Variants in LRPPRC observed in about 807,000 individuals in gnomAD.
The protein encoded by LRPPRC is leucine rich pentatricopeptide repeat containing, also known as leucine-rich PPR motif-containing protein, mitochondrial.
Under a neutral mutation model 180.3 loss-of-function variants are expected in LRPPRC, and 120 were observed. The ratio of observed to expected loss-of-function variants is 0.67; its 90% CI spans 0.57 to 0.77. LRPPRC has a LOEUF of 0.77. Among genes scored for constraint, LRPPRC ranks in the 30% least tolerant of loss-of-function variants. The probability of loss-of-function intolerance (pLI) is 0.00; values close to 1 mark genes in which losing one functional copy is unlikely to be tolerated. For missense variants in LRPPRC, 2,012 were observed against 1,657.2 expected (o/e 1.21, Z -3.72); for synonymous variants, 723 against 600.0 (o/e 1.21, Z -3.00).
intron 35 of LRPPRC, 143 bp downstream of exon 35, chr2:43,896,491 T>A: frequency 1.5e-6 from 1 of 645,912 alleles, no homozygotes; most frequent in Admixed American, 2.6e-5. Flanking sequence ...CAAAACTGAC[T>A]CTAAGTAGAG....
intron 5 of LRPPRC, 40 bp downstream of exon 5, chr2:43,976,954 A>C: frequency 2.0e-6 from 3 of 1,499,290 alleles, no homozygotes; most frequent in Non-Finnish European, 1.9e-6. Flanking sequence ...TACAAAATGT[A>C]CAAATTTGTT....
intron 23 of LRPPRC, among the ~76,000 whole-genome samples, chr2:43,939,745 T>C (rs550616717): frequency 6.6e-6 from 1 of 152,328 alleles, no homozygotes; most frequent in African/African-American, 2.4e-5. Context: ...AAATTAACTG[T>C]GTTGAAGGCT....
rs1316994323 is a variant in LRPPRC, at chr2:43,943,732, G to A, written c.2459C>T (p.Pro820Leu). ...EAIVTLGLAEPSTNISFPLVT... is the reference protein window; with the variant it reads ...EAIVTLGLAELSTNISFPLVT... ...CAATGGGAAACTTATGTTGGTGGAT[G>A]GTTCTGCTAACCCTAGAGTCACGAT... Residue 820 changes from proline (P) to leucine (L), a missense_variant, in exon 23 of 38, where the codon CCA (proline) becomes CTA (leucine). Physicochemically the swap from Pro to Leu is moderately conservative, Grantham distance 98. Coordinates refer to ENST00000260665, the MANE Select transcript of LRPPRC (RefSeq NM_133259.4). 15 of 1,613,338 alleles carry A rather than the reference G, an allele frequency of 9.3e-6. No individual in the cohort carries two copies. Among genetic ancestry groups the A allele is most frequent in the African/African-American group, 1.3e-5 (1 of 74,884 alleles).
intron 1 of LRPPRC, among the ~76,000 whole-genome samples, chr2:43,995,497 CA>C (rs1675002336): frequency 6.6e-6 from 1 of 152,374 alleles, no homozygotes; most frequent in East Asian, 1.9e-4. Context: ...AAGCAGTCTT[CA>C]AAGCCCCCCT....
intron 23 of LRPPRC, among the ~76,000 whole-genome samples, chr2:43,941,606 T>A (rs1672483128): frequency 6.6e-6 from 1 of 152,146 alleles, no homozygotes; most frequent in African/African-American, 2.4e-5. Context: ...TAATTAGCTA[T>A]CTTCCATCAG....
Position 43,957,451 on chromosome 2 carries a change from A to G in LRPPRC, c.1583T>C (p.Leu528Ser), listed in dbSNP as rs1384552964. ...NGNLDFVLSF[L>S]KSNTLPISLQ... ...CGAGATGGGCAATGTATTTGATTTC[A>G]CTGCAAAAGAAAATGACCATCATTA... The change falls in exon 14 of 38, where the codon TTG (leucine) becomes TCG (serine). Residue 528 changes from leucine to serine, a missense_variant and splice_region_variant. Physicochemically the swap from Leu to Ser is moderately radical, Grantham distance 145. Coordinates refer to ENST00000260665, the MANE Select transcript of LRPPRC (RefSeq NM_133259.4). 1 of 1,610,578 alleles carries G rather than the reference A, an allele frequency of 6.2e-7. No homozygotes were observed. The highest frequency in any genetic ancestry group is 1.3e-5 in the African/African-American group (1 of 74,964).
In LRPPRC at chr2:43,886,244, T is replaced by A. The variant is rs1015238632; in HGVS notation, c.*2356A>T. Among the ~76,000 whole-genome samples the A allele has an allele frequency of 6.6e-6, 1 of 152,058 alleles. No individual in the cohort carries two copies. The highest frequency in any genetic ancestry group is 1.5e-5 in the Non-Finnish European group (1 of 68,012). On this transcript the variant is annotated 3_prime_UTR_variant, in exon 38 of 38. Transcript: ENST00000260665. ...CCACAGATATTTACAGTATACTTTA[T>A]TCAAAGCATTTCAGTTAAAATTATT...
chr2:43,968,384 A>G (rs964676556), intron 11 of LRPPRC, among the ~76,000 whole-genome samples: 4 of 152,244 alleles, frequency 2.6e-5, no homozygotes, highest in African/African-American at 9.6e-5. Flanking sequence ...TATTGAATAG[A>G]TGGAAGTTCC....
intron 23 of LRPPRC, among the ~76,000 whole-genome samples, chr2:43,943,113 T>C (rs1455439541): frequency 1.3e-5 from 2 of 152,082 alleles, no homozygotes; most frequent in Non-Finnish European, 2.9e-5. Flanking sequence ...TTTTATTCAT[T>C]ATAAAATAGA....
intron 1 of LRPPRC, among the ~76,000 whole-genome samples, chr2:43,985,526 A>AT (rs1251999532): frequency 6.6e-6 from 1 of 152,004 alleles, no homozygotes; most frequent in Non-Finnish European, 1.5e-5. Flanking sequence ...GCAACCACTG[A>AT]TTTTTACCTG....
chr2:43,931,673 G>A lies in LRPPRC; in HGVS notation c.2736+2517C>T, dbSNP rs1672092664. On this transcript the variant is annotated intron_variant, in intron 25 of 37. Coordinates refer to ENST00000260665, the MANE Select transcript of LRPPRC (RefSeq NM_133259.4). The stretch of plus-strand genomic sequence containing the variant: ...TTTACTCAGTCATCTCAAATGCTAT[G>A]TAAATGACGGAGAGAGACCTGAGTT... Among the ~76,000 whole-genome samples the A allele has an allele frequency of 2.0e-5, 3 of 152,266 alleles. No individual in the cohort carries two copies. The Middle Eastern group carries it at 0.01, about 518-fold the overall frequency.
intron 12 of LRPPRC, 120 bp from the exon 13 acceptor site, chr2:43,960,754 A>G (rs879475390): frequency 6.9e-6 from 5 of 722,340 alleles, no homozygotes; most frequent in Admixed American, 3.8e-5. Context: ...AGAAAAATAG[A>G]TAAGCTCAGT....
intron 14 of LRPPRC, among the ~76,000 whole-genome samples, chr2:43,956,072 G>GA (rs1303436043): frequency 0.038 from 4,770 of 126,228 alleles, 246 homozygotes; most frequent in African/African-American, 0.12. Flanking sequence ...CTCATCATGG[G>GA]AAAAAAAAAA....
rs1410217972 is a variant in LRPPRC, at chr2:43,896,727, T to C, written c.3826-19A>G. 2.0e-6 allele frequency: 3 copies of C among 1,476,544 alleles called. No homozygotes were observed. The highest frequency in any genetic ancestry group is 1.4e-5 in the African/African-American group (1 of 72,346). The allele number at this position is 1,476,544 out of a possible 1,614,324, so 91.5% of individuals were successfully genotyped here. A position where few individuals can be genotyped will look rare whatever the true frequency, so the allele number is the denominator to read the frequency against. On this transcript the variant is annotated intron_variant, in intron 34 of 37. Coordinates refer to ENST00000260665, the MANE Select transcript of LRPPRC (RefSeq NM_133259.4). Reference sequence around the variant, plus strand: ...CACATCTCTAAAAATTAAAACATTATTCAGTAAGTGAAGGTTTCTGATAAA... The same window carrying C: ...CACATCTCTAAAAATTAAAACATTACTCAGTAAGTGAAGGTTTCTGATAAA...
At chr2:43,930,385 G>GT (rs1372332187) in intron 25 of LRPPRC, among the ~76,000 whole-genome samples, 3 of 152,164 alleles carry the variant, frequency 2.0e-5, no homozygotes, top group Admixed American at 6.6e-5. Flanking sequence ...TTCAAATTCC[G>GT]TAACTACTAT....
intron 1 of LRPPRC, among the ~76,000 whole-genome samples, chr2:43,983,985 T>C (rs1359275974): frequency 6.6e-6 from 1 of 152,182 alleles, no homozygotes; most frequent in Admixed American, 6.5e-5. Context: ...CTTATTTTTG[T>C]AAGACCAATG....
intron 5 of LRPPRC, 115 bp from the exon 6 acceptor site, chr2:43,976,344 A>G (rs1000892067): frequency 1.5e-5 from 10 of 678,886 alleles, no homozygotes; most frequent in Admixed American, 4.5e-5. Context: ...AGTAATATAC[A>G]TTTGTTTTAG....
intron 11 of LRPPRC, among the ~76,000 whole-genome samples, chr2:43,968,112 G>T (rs1325466914): frequency 6.6e-6 from 1 of 151,986 alleles, no homozygotes; most frequent in Non-Finnish European, 1.5e-5. Flanking sequence ...AAAAAAAAAG[G>T]CTTTGGACTT....
chr2:43,948,577 A>G, intron 16 of LRPPRC, 59 bp from the exon 17 acceptor site: 1 of 867,166 alleles, frequency 1.2e-6, no homozygotes, highest in Middle Eastern at 2.2e-4. Context: ...TCATGTTATC[A>G]AGATTAATTT....
Sources: gnomAD v4.1 joint callset for allele counts (sites outside exome capture counted in the v4.1 genomes callset) on GRCh38, gnomAD v4.1.1 for gene constraint, MANE v1.5 for transcripts, NCBI Gene and HGNC (gene_info 2026-07-23, HGNC 2026-07-21) for gene names.